PIK3C2G: variants seen among roughly 807,000 people sequenced by gnomAD.
PIK3C2G encodes the protein phosphatidylinositol-4-phosphate 3-kinase catalytic subunit type 2 gamma.
PIK3C2G carries 168 observed loss-of-function variants against 181.1 expected under a neutral mutation model. The observed-to-expected ratio is 0.93, with a 90% CI of 0.82 to 1.05. The LOEUF (loss-of-function observed/expected upper bound fraction) is 1.05. Ranked by LOEUF, PIK3C2G falls within the 50% of genes least tolerant of loss-of-function variation. PIK3C2G has a pLI of 0.00. For missense variants in PIK3C2G, 1,869 were observed against 1,732.8 expected, an observed-to-expected ratio of 1.08 and a Z score of -1.40; for synonymous variants, 573 against 592.2, an observed-to-expected ratio of 0.97 and a Z score of 0.47.
At chr12:18,707,543 C>T in the PIK3C2G span, among the ~76,000 whole-genome samples, 1 of 152,128 alleles carries the variant, frequency 6.6e-6, no homozygotes, top group East Asian at 1.9e-4. Context: ...CCCCCATTTC[C>T]TTACCAAAGG....
chr12:18,718,142 G>C, the PIK3C2G span, among the ~76,000 whole-genome samples: 1 of 152,114 alleles, frequency 6.6e-6, no homozygotes, highest in Non-Finnish European at 1.5e-5. Context: ...ATGTTTGGTA[G>C]ATTAGATATA....
chr12:18,566,874 A>T, intron 28 of PIK3C2G, 75 bp from the exon 29 acceptor site: 1 of 784,214 alleles, frequency 1.3e-6, no homozygotes, highest in Non-Finnish European at 2.3e-6. Context: ...TACAGCTGTA[A>T]CTACATGAAC....
chr12:18,704,412 G>A, the PIK3C2G span, among the ~76,000 whole-genome samples: 28 of 152,028 alleles, frequency 1.8e-4, no homozygotes, highest in South Asian at 6.3e-4. Context: ...TGTAACCCCC[G>A]CCTCCCGGGT....
chr12:18,476,069 C>T (rs1282438532), intron 18 of PIK3C2G, among the ~76,000 whole-genome samples: 1 of 152,034 alleles, frequency 6.6e-6, no homozygotes, highest in Non-Finnish European at 1.5e-5. Context: ...AAAACTAAAA[C>T]ACGATTTTTA....
chr12:18,249,755 A>G (rs1223536594), intron 1 of PIK3C2G, among the ~76,000 whole-genome samples: 1 of 142,606 alleles, frequency 7.0e-6, no homozygotes, highest in Non-Finnish European at 1.5e-5. Flanking sequence ...AACAGAAATT[A>G]GAAATTGAAA....
chr12:18,708,046 A>G, the PIK3C2G span, among the ~76,000 whole-genome samples: 4 of 152,256 alleles, frequency 2.6e-5, no homozygotes, highest in Non-Finnish European at 5.9e-5. Context: ...TTCATTCAGC[A>G]TGAATACCAT....
At chr12:18,395,473 G>A (rs1195679611) in intron 15 of PIK3C2G, among the ~76,000 whole-genome samples, 1 of 149,356 alleles carries the variant, frequency 6.7e-6, no homozygotes, top group Non-Finnish European at 1.5e-5. Context: ...ATCCAGCTGA[G>A]TTAGTTTAGT....
At chr12:18,372,340 T>A (rs1338440441) in intron 13 of PIK3C2G, among the ~76,000 whole-genome samples, 2 of 152,084 alleles carry the variant, frequency 1.3e-5, no homozygotes, top group Non-Finnish European at 2.9e-5. Context: ...TAGCACCTCA[T>A]ATAAATAGGC....
At chr12:18,364,010 T>C (rs533411778) in intron 12 of PIK3C2G, among the ~76,000 whole-genome samples, 111 of 152,304 alleles carry the variant, frequency 7.3e-4, no homozygotes, top group African/African-American at 2.6e-3. Flanking sequence ...ACTCTGCTTG[T>C]AAAATTTTTC....
chr12:18,413,854 C>T (rs141444556), intron 16 of PIK3C2G, among the ~76,000 whole-genome samples: 87 of 152,218 alleles, frequency 5.7e-4, no homozygotes, highest in African/African-American at 2.0e-3. Context: ...TTACATATGA[C>T]ATTTCAGTCT....
intron 18 of PIK3C2G, among the ~76,000 whole-genome samples, chr12:18,474,478 T>A (rs1310908973): frequency 2.6e-5 from 4 of 152,150 alleles, no homozygotes; most frequent in Admixed American, 1.3e-4. Flanking sequence ...TTTCCAGAAT[T>A]CTTGGGAAAG....
rs115708153 is a variant in PIK3C2G, at chr12:18,570,825, G to T, written c.4011+3768G>T. Among the ~76,000 whole-genome samples the T allele has an allele frequency of 6.5e-3, 987 of 150,790 alleles. 98 individuals are homozygous for T. The highest frequency in any genetic ancestry group is 0.023 in the African/African-American group (940 of 40,320). ...CACCAGGAGGTAGTTGTATAAGAAA[G>T]ATCTGGATCGACCACATCAAGGAGC... is the stretch of plus-strand genomic sequence containing the variant. On this transcript the variant is annotated intron_variant, in intron 29 of 32. Transcript: ENST00000538779.
rs7485912 is a variant in PIK3C2G, at chr12:18,292,221, A to T, written c.919+1209A>T. Among the ~76,000 whole-genome samples the T allele has an allele frequency of 6.3e-5, 5 of 78,796 alleles. No homozygotes were observed. In the South Asian group the frequency reaches 1.5e-3, roughly 23 times the overall value. 51.7% of individuals were successfully genotyped at this position (78,796 alleles called of 152,430 possible). On this transcript the variant is annotated intron_variant, in intron 4 of 32. Coordinates refer to ENST00000538779, the MANE Select transcript of PIK3C2G (RefSeq NM_001288772.2). ...GCAAAACTCCATCTCAAAAAAAAAA[A>T]AAAAAAATATATATATATATATATA...
At chr12:18,701,898 C>A in the PIK3C2G span, 1,735 of 1,339,018 alleles carry the variant, frequency 1.3e-3, 23 homozygotes, top group African/African-American at 0.023. Context: ...TGTAAGAACT[C>A]CATTTTTTCC....
At chr12:18,381,328 C>T (rs1199582662) in intron 13 of PIK3C2G, among the ~76,000 whole-genome samples, 1 of 151,402 alleles carries the variant, frequency 6.6e-6, no homozygotes, top group Non-Finnish European at 1.5e-5. Context: ...AAATTTAGAA[C>T]TTGTATCTTT....
chr12:18,478,041 G>T (rs950891745), intron 18 of PIK3C2G, among the ~76,000 whole-genome samples: 14 of 152,112 alleles, frequency 9.2e-5, no homozygotes, highest in African/African-American at 3.1e-4. Flanking sequence ...GCTGTTAAAA[G>T]AAATTTTGTT....
rs533673093 is a variant in PIK3C2G at position 18,644,058 on chromosome 12, G to A, written c.4308+3504G>A. ...TCTCCTTAATATCCAGAGATGAGAG[G>A]GGCTGGGTCGGGGACACAGAAAAGT... is the stretch of plus-strand genomic sequence containing the variant. On this transcript the variant is annotated intron_variant, in intron 32 of 32. Coordinates refer to ENST00000538779, the MANE Select transcript of PIK3C2G (RefSeq NM_001288772.2). 3.3e-5 allele frequency among the ~76,000 whole-genome samples: 5 copies of A among 152,150 alleles called. No homozygotes were observed. The South Asian group carries it at 6.2e-4, about 19-fold the overall frequency.
chr12:18,682,226 G>A, the PIK3C2G span, among the ~76,000 whole-genome samples: 2 of 152,024 alleles, frequency 1.3e-5, no homozygotes, highest in African/African-American at 4.8e-5. Flanking sequence ...ATTTAGTACT[G>A]AGAGTAAACC....
At chr12:18,514,902 T>C (rs1942436903) in intron 24 of PIK3C2G, among the ~76,000 whole-genome samples, 1 of 151,952 alleles carries the variant, frequency 6.6e-6, no homozygotes, top group Non-Finnish European at 1.5e-5. Flanking sequence ...GACTTTATAA[T>C]GAGTATTTTC....
Sources: allele counts gnomAD v4.1 joint callset (sites outside exome capture counted in the v4.1 genomes callset), GRCh38; gene constraint gnomAD v4.1.1; transcripts MANE v1.5; gene names NCBI Gene and HGNC (gene_info 2026-07-23, HGNC 2026-07-21).